RHOBTB2: variants seen among roughly 807,000 people sequenced by gnomAD.
RHOBTB2 encodes Rho related BTB domain containing 2, also known as rho-related BTB domain-containing protein 2.
RHOBTB2 carries 39 observed loss-of-function variants against 66.5 expected under a neutral mutation model. The observed-to-expected ratio is 0.59, with a 90% confidence interval of 0.45 to 0.77. The LOEUF is 0.77. Ranked by LOEUF, RHOBTB2 falls within the 30% of genes least tolerant of loss-of-function variation. RHOBTB2 has a pLI of 0.00. For synonymous variants in RHOBTB2, 390 were observed against 395.0 expected, an observed-to-expected ratio of 0.99 and a Z score of 0.15; for missense variants, 755 against 999.1, an observed-to-expected ratio of 0.76 and a Z score of 3.29.
chr8:23,007,671 C>T lies in RHOBTB2; in HGVS notation c.1426C>T (p.Gln476Ter). The T allele has an allele frequency of 6.2e-7, 1 of 1,614,196 alleles. No individual in the cohort carries two copies. The highest frequency in any genetic ancestry group is 8.5e-7 in the Non-Finnish European group (1 of 1,180,042). The change falls in exon 5 of 10, where the codon CAG becomes TAG. Residue 476 changes from glutamine to a stop codon, truncating the protein, a stop_gained. Transcript: ENST00000251822. LOFTEE classifies it high-confidence loss of function. The stretch of plus-strand genomic sequence containing the variant: ...TCTCAACAATGAGGCCTTCATGAAC[C>T]AGGAGATCACCAAGGCCTTCCACGT... ...NILNNEAFMN[Q>*]EITKAFHVRR...
chr8:23,017,541 A>C lies in RHOBTB2; in HGVS notation c.*72A>C. ...CTTCACCCCTCTGCTCTTCCGCATCACCCCATCCACCTTACAGGGACCAGG... is the reference window on the plus strand; with the variant it reads ...CTTCACCCCTCTGCTCTTCCGCATCCCCCCATCCACCTTACAGGGACCAGG... On this transcript the variant is annotated 3_prime_UTR_variant, in exon 10 of 10. Transcript: ENST00000251822. This position sits in a 1 kb window ranked among gnomAD's most constrained non-coding sequence, Gnocchi z 5.3. 6.5e-7 allele frequency: 1 copy of C among 1,537,290 alleles called. No individual in the cohort carries two copies. The highest frequency in any genetic ancestry group is 2.0e-5 in the Admixed American group (1 of 50,484).
upstream of RHOBTB2, among the ~76,000 whole-genome samples, chr8:22,995,594 G>C (rs1041041586): frequency 2.0e-5 from 3 of 152,260 alleles, no homozygotes; most frequent in East Asian, 5.8e-4. Context: ...GAAGCTTCCT[G>C]TATCCTTGTG....
At chr8:22,954,767 A>G in the RHOBTB2 span, among the ~76,000 whole-genome samples, 1 of 152,232 alleles carries the variant, frequency 6.6e-6, no homozygotes, top group Admixed American at 6.5e-5. Context: ...TGACAGAAAA[A>G]AAACCACAAA....
the RHOBTB2 span, among the ~76,000 whole-genome samples, chr8:22,979,009 G>C: frequency 6.6e-6 from 1 of 152,018 alleles, no homozygotes; most frequent in Admixed American, 6.5e-5. Flanking sequence ...AATCTTTTAT[G>C]AACCAAGTTA....
At chr8:22,965,491 A>G in the RHOBTB2 span, among the ~76,000 whole-genome samples, 3 of 152,230 alleles carry the variant, frequency 2.0e-5, no homozygotes, top group Admixed American at 2.0e-4. Context: ...TTGAAAAAGC[A>G]CAATAAAGTT....
At chr8:22,968,066 G>A in the RHOBTB2 span, among the ~76,000 whole-genome samples, 26 of 152,074 alleles carry the variant, frequency 1.7e-4, no homozygotes, top group South Asian at 4.8e-3. Flanking sequence ...TGAGGTGGGA[G>A]GATGGCTTGA....
the RHOBTB2 span, among the ~76,000 whole-genome samples, chr8:22,956,817 T>C: frequency 1.3e-5 from 2 of 152,154 alleles, no homozygotes; most frequent in Non-Finnish European, 2.9e-5. Context: ...TGCACCACCA[T>C]GCCCGGCTAA....
rs961618805 is a variant in RHOBTB2, at chr8:23,015,681, T to C, written c.1904T>C (p.Ile635Thr). Residue 635 changes from isoleucine to threonine, a missense_variant, in exon 9 of 10, where the codon ATC becomes ACC. By Grantham distance (89) the Ile-to-Thr change is moderately conservative. Coordinates refer to ENST00000251822, the MANE Select transcript of RHOBTB2 (RefSeq NM_015178.3). ...CTGGCCGACTGGTGTCTCCACCACA[T>C]CTGCACCAACTACAACAACGTGTGC... ...YQLADWCLHH[I>T]CTNYNNVCRK... 6.2e-7 allele frequency: 1 copy of C among 1,613,874 alleles called. No homozygotes were observed. Among genetic ancestry groups the C allele is most frequent in the Non-Finnish European group, 8.5e-7 (1 of 1,179,942 alleles).
At position 23,017,159 on chromosome 8, in the gene RHOBTB2, G is replaced by A. The variant is rs1388785282; in HGVS notation, c.1967-93G>A. The A allele has an allele frequency of 3.4e-5, 52 of 1,528,878 alleles. No individual in the cohort carries two copies. The highest frequency in any genetic ancestry group is 4.3e-5 in the Non-Finnish European group (48 of 1,119,522). The allele number at this position is 1,528,878 out of a possible 1,614,324, so 94.7% of individuals were successfully genotyped here. On this transcript the variant is annotated intron_variant, in intron 9 of 9. Coordinates refer to ENST00000251822, the MANE Select transcript of RHOBTB2 (RefSeq NM_015178.3). The surrounding 1 kb of genome is among the most constrained non-coding windows in gnomAD (Gnocchi z 5.3). ...GTGCTGGGGGCTGGGCTGGAGGCCT[G>A]CTGCAGGCCTTGTGGTGGGGTAGGG...
At chr8:22,977,682 T>C in the RHOBTB2 span, among the ~76,000 whole-genome samples, 1 of 151,914 alleles carries the variant, frequency 6.6e-6, no homozygotes, top group African/African-American at 2.4e-5. Context: ...GGTATACCCA[T>C]TGATAGTAGT....
chr8:23,013,642 C>T (rs746897352), intron 7 of RHOBTB2, among the ~76,000 whole-genome samples: 3 of 150,018 alleles, frequency 2.0e-5, no homozygotes, highest in Admixed American at 6.6e-5. Flanking sequence ...ATTACAGGCA[C>T]GTACCAACAC....
upstream of RHOBTB2, among the ~76,000 whole-genome samples, chr8:22,997,434 A>G (rs1299887242): frequency 6.6e-6 from 1 of 152,182 alleles, no homozygotes; most frequent in African/African-American, 2.4e-5. Context: ...GAAACAGTTC[A>G]CTGAGTGTGA....
the RHOBTB2 span, among the ~76,000 whole-genome samples, chr8:22,979,461 T>A: frequency 6.6e-6 from 1 of 152,176 alleles, no homozygotes; most frequent in African/African-American, 2.4e-5. Context: ...TTGTGTACAA[T>A]CATGTACTGT....
chr8:23,008,224 G>A, intron 6 of RHOBTB2, 113 bp downstream of exon 6: 1 of 737,776 alleles, frequency 1.4e-6, no homozygotes, highest in South Asian at 1.8e-5. Flanking sequence ...TAACCACAGG[G>A]TGATGGGCCC....
intron 8 of RHOBTB2, 81 bp from the exon 9 acceptor site, chr8:23,015,557 C>G: frequency 1.0e-6 from 1 of 973,184 alleles, no homozygotes; most frequent in Non-Finnish European, 1.6e-6. Context: ...AGAGCTTCAG[C>G]TCTGAAGGCA....
intron 6 of RHOBTB2, among the ~76,000 whole-genome samples, chr8:23,009,827 C>A (rs1173985066): frequency 6.6e-6 from 1 of 152,124 alleles, no homozygotes; most frequent in East Asian, 1.9e-4. Flanking sequence ...GCCCCAGGGG[C>A]CTGCCAGCCC....
chr8:22,995,976 T>C, upstream of RHOBTB2: 5 of 1,232,406 alleles, frequency 4.1e-6, no homozygotes, highest in Non-Finnish European at 4.7e-6. Flanking sequence ...CGGTCTGCGT[T>C]GGGCTGGCAC....
At chr8:22,970,624 T>C in the RHOBTB2 span, among the ~76,000 whole-genome samples, 361 of 152,008 alleles carry the variant, frequency 2.4e-3, no homozygotes, top group African/African-American at 8.3e-3. Flanking sequence ...AAAAATTTGA[T>C]TTATTTTTTA....
the RHOBTB2 span, among the ~76,000 whole-genome samples, chr8:22,951,724 G>A: frequency 6.6e-6 from 1 of 152,190 alleles, no homozygotes; most frequent in Non-Finnish European, 1.5e-5. Context: ...ATGGTGGAAT[G>A]TCATCGGTTA....
Sources: allele counts gnomAD v4.1 joint callset (sites outside exome capture counted in the v4.1 genomes callset), GRCh38; gene constraint gnomAD v4.1.1; non-coding constraint Gnocchi (gnomAD v3.1); transcripts MANE v1.5; gene names NCBI Gene and HGNC (gene_info 2026-07-23, HGNC 2026-07-21).